The following C6 variants were observed in gnomAD, a reference collection of about 807,000 sequenced individuals.
C6 encodes complement component C6.
A neutral mutation model predicts 112.9 loss-of-function variants in C6; 101 were observed. The ratio of observed to expected loss-of-function variants is 0.89; its 90% CI spans 0.76 to 1.06. C6 has a LOEUF of 1.06. Ranked by LOEUF, C6 falls within the 50% of genes least tolerant of loss-of-function variation. The pLI is 0.00. For missense variants in C6, 1,202 were observed against 1,104.6 expected (o/e 1.09, Z -1.25); for synonymous variants, 431 against 384.1 (o/e 1.12, Z -1.43).
At chr5:41,188,961 AT>A (rs1325306064) in intron 5 of C6, among the ~76,000 whole-genome samples, 1 of 152,092 alleles carries the variant, frequency 6.6e-6, no homozygotes, top group Admixed American at 6.5e-5. Context: ...TGAGCAAATA[AT>A]TTGAGTATCT....
chr5:41,142,943 T>G lies in C6; in HGVS notation c.2687A>C (p.Tyr896Ser). The change falls in exon 18 of 18, where the codon TAC (tyrosine) becomes TCC (serine). Residue 896 changes from tyrosine to serine, a missense_variant. By Grantham distance (144) the Tyr-to-Ser change is moderately radical. Coordinates refer to ENST00000337836, the MANE Select transcript of C6 (RefSeq NM_000065.5). Reference protein sequence around the residue: ...PQCFKGGNQLYCVKMGSSTSE... With the variant: ...PQCFKGGNQLSCVKMGSSTSE... The stretch of plus-strand genomic sequence containing the variant: ...TGTTGATGATCCCATTTTGACACAG[T>G]AGAGTTGGTTTCCACCCTTGAAGCA... The G allele has an allele frequency of 1.2e-6, 2 of 1,613,560 alleles. No individual in the cohort carries two copies. The highest frequency in any genetic ancestry group is 8.5e-7 in the Non-Finnish European group (1 of 1,179,722).
intron 7 of C6, among the ~76,000 whole-genome samples, chr5:41,178,610 G>T (rs1749064191): frequency 6.6e-6 from 1 of 150,578 alleles, no homozygotes. Flanking sequence ...CGAGTAGCTG[G>T]GACCACAAGC....
intron 1 of C6, among the ~76,000 whole-genome samples, chr5:41,253,627 A>T (rs1427476467): frequency 6.6e-6 from 1 of 152,112 alleles, no homozygotes; most frequent in Non-Finnish European, 1.5e-5. Flanking sequence ...TGTAGGGTCC[A>T]ATGGCTGAAA....
intron 8 of C6, among the ~76,000 whole-genome samples, chr5:41,174,222 T>A (rs998830427): frequency 1.3e-5 from 2 of 152,196 alleles, no homozygotes; most frequent in African/African-American, 4.8e-5. Context: ...TTCTGTGCAA[T>A]CCTTTTCTTC....
At chr5:41,164,245 A>G (rs892493069) in intron 9 of C6, among the ~76,000 whole-genome samples, 1 of 152,200 alleles carries the variant, frequency 6.6e-6, no homozygotes, top group African/African-American at 2.4e-5. Context: ...AGGAAAATGA[A>G]ATAATTCTGT....
At chr5:41,209,664 G>A (rs1430388256) in intron 1 of C6, among the ~76,000 whole-genome samples, 6 of 152,172 alleles carry the variant, frequency 3.9e-5, no homozygotes, top group Admixed American at 3.3e-4. Flanking sequence ...TACAAGGGAT[G>A]TGAAGGACCT....
chr5:41,172,254 G>C lies in C6; in HGVS notation c.1262C>G (p.Thr421Ser), dbSNP rs1221246010. 6.2e-7 allele frequency: 1 copy of C among 1,613,632 alleles called. No individual in the cohort carries two copies. Among genetic ancestry groups the C allele is most frequent in the Admixed American group, 1.7e-5 (1 of 59,952 alleles). The change falls in exon 9 of 18, where the codon ACC (threonine) becomes AGC (serine). Residue 421 changes from threonine to serine, a missense_variant. Transcript: ENST00000337836. ...ATGTTTCTCTGACAGCTTGTTGGTG[G>C]TGCACCTATGTTCCACTTTTGTTTT... ...AKKTKVEHRC[T>S]TNKLSEKHEG...
At chr5:41,188,075 A>G (rs1749922201) in intron 5 of C6, among the ~76,000 whole-genome samples, 2 of 152,162 alleles carry the variant, frequency 1.3e-5, no homozygotes, top group African/African-American at 4.8e-5. Flanking sequence ...ATTTAACAAA[A>G]GAAGTCTAAG....
intron 17 of C6, among the ~76,000 whole-genome samples, chr5:41,146,306 T>A (rs1745820270): frequency 6.6e-6 from 1 of 152,228 alleles, no homozygotes; most frequent in Admixed American, 6.5e-5. Context: ...TTTGAAGTTC[T>A]ATTTTAAAGT....
intron 5 of C6, among the ~76,000 whole-genome samples, chr5:41,193,641 C>A (rs1263967583): frequency 6.6e-6 from 1 of 151,992 alleles, no homozygotes; most frequent in Non-Finnish European, 1.5e-5. Flanking sequence ...CACACTAAGC[C>A]TGGGTAAAAA....
In C6 at chr5:41,160,186, G is replaced by A. The variant is rs766846275; in HGVS notation, c.1640C>T (p.Thr547Ile). ...CTGTTTCTCACAGTTCTCACCATAG[G>A]TGCCACTCTGACACACACACAGACA... ...TECLCVCQSG[T>I]YGENCEKQSP... Residue 547 changes from threonine (T) to isoleucine (I), a missense_variant, in exon 11 of 18, where the codon ACC (threonine) becomes ATC (isoleucine). By Grantham distance (89) the Thr-to-Ile change is moderately conservative (BLOSUM62 -1). Transcript: ENST00000337836. 1.2e-6 allele frequency: 2 copies of A among 1,613,722 alleles called. No individual in the cohort carries two copies. The highest frequency in any genetic ancestry group is 2.7e-5 in the African/African-American group (2 of 74,884).
chr5:41,197,012 C>G (rs1750670431), intron 4 of C6, among the ~76,000 whole-genome samples: 1 of 152,116 alleles, frequency 6.6e-6, no homozygotes, highest in Admixed American at 6.6e-5. Flanking sequence ...AAAGGTTTTA[C>G]TTGAGATTAT....
At position 41,142,836 on chromosome 5, in the gene C6, A is replaced by G. The variant is rs1745471993; in HGVS notation, c.2794T>C (p.Cys932Arg). The change falls in exon 18 of 18, where the codon TGT (cysteine) becomes CGT (arginine). Residue 932 changes from cysteine (C) to arginine (R), a missense_variant. Cys to Arg is a radical substitution (Grantham distance 180). Transcript: ENST00000337836. Reference protein sequence around the residue: ...RKMEILHPGKCLA With the variant: ...RKMEILHPGKRLA ...TAGCAGTAATTGTGCTAGGCCAAAC[A>G]CTTTCCAGGATGCAGTATTTCCATC... The G allele has an allele frequency of 1.9e-6, 3 of 1,613,072 alleles. No individual in the cohort carries two copies. Among genetic ancestry groups the G allele is most frequent in the Non-Finnish European group, 2.5e-6 (3 of 1,179,184 alleles).
chr5:41,241,581 T>A (rs1740715676), intron 1 of C6, among the ~76,000 whole-genome samples: 1 of 152,000 alleles, frequency 6.6e-6, no homozygotes, highest in Non-Finnish European at 1.5e-5. Flanking sequence ...AGCAGCAATG[T>A]TGGAGGAAGT....
chr5:41,160,338 G>A lies in C6; in HGVS notation c.1488C>T (p.Asn496=), dbSNP rs1001651069. The A allele has an allele frequency of 5.0e-6, 8 of 1,613,636 alleles. No homozygotes were observed. Among genetic ancestry groups the A allele is most frequent in the East Asian group, 4.5e-5 (2 of 44,866 alleles). Residue 496 remains asparagine (N), a synonymous_variant, in exon 11 of 18, where the codon AAC becomes AAT. Coordinates refer to ENST00000337836, the MANE Select transcript of C6 (RefSeq NM_000065.5). ...TCCGTTTTGTCACTGCACAGGGGATGTTTCTTACCAAGTCCACGATGGGGG... is the reference window on the plus strand; with the variant it reads ...TCCGTTTTGTCACTGCACAGGGGATATTTCTTACCAAGTCCACGATGGGGG... ...ELAPIVDLVR[N]IPCAVTKRNN...
At chr5:41,186,278 G>A in intron 5 of C6, 70 bp from the exon 6 acceptor site, 1 of 1,537,556 alleles carries the variant, frequency 6.5e-7, no homozygotes, top group South Asian at 1.1e-5. Context: ...TTAGTTATAT[G>A]AAAGGAATTC....
At chr5:41,159,315 G>A in intron 11 of C6, 62 bp from the exon 12 acceptor site, 1 of 1,577,674 alleles carries the variant, frequency 6.3e-7, no homozygotes, top group Non-Finnish European at 8.6e-7. Context: ...GTTTGGAAGT[G>A]AGGCCAACCT....
In C6 at chr5:41,173,263, T is replaced by C. The variant is rs77759538; in HGVS notation, c.1169-916A>G. On this transcript the variant is annotated intron_variant, in intron 8 of 17. Transcript: ENST00000337836. ...TTTTAATACCTTTAGTCCTCATTAT[T>C]CTCCTTTATCAAACTCTCTAGCATC... Among the ~76,000 whole-genome samples, 210 of 152,270 alleles carry C rather than the reference T, an allele frequency of 1.4e-3. 6 individuals are homozygous for C. In the East Asian group the frequency reaches 0.038, roughly 28 times the overall value.
At position 41,159,093 on chromosome 5, in the gene C6, G is replaced by C. The variant is rs768267421; in HGVS notation, c.1845C>G (p.Ile615Met). 6.5e-5 allele frequency: 105 copies of C among 1,613,534 alleles called. No homozygotes were observed. Among genetic ancestry groups the C allele is most frequent in the Non-Finnish European group, 7.9e-5 (93 of 1,179,706 alleles). Reference protein sequence around the residue: ...KRQEEDCTFSIMENNGQPCIN... With the variant: ...KRQEEDCTFSMMENNGQPCIN... ...TTACCCGGCCTTACTTGTTTTCCAT[G>C]ATTGAAAATGTGCAGTCTTCCTCTT... The change falls in exon 12 of 18, where the codon ATC becomes ATG. Residue 615 changes from isoleucine to methionine, a missense_variant. Physicochemically the swap from Ile to Met is conservative, Grantham distance 10. Transcript: ENST00000337836.
Sources: allele counts gnomAD v4.1 joint callset (sites outside exome capture counted in the v4.1 genomes callset), GRCh38; gene constraint gnomAD v4.1.1; transcripts MANE v1.5; gene names NCBI Gene and HGNC (gene_info 2026-07-23, HGNC 2026-07-21).